Variants in SEL1L2 observed in about 807,000 individuals in gnomAD.
SEL1L2 encodes protein sel-1 homolog 2.
In SEL1L2, 89 loss-of-function variants were observed where a neutral mutation model predicts 98.8. The observed-to-expected ratio is 0.90, with a 90% confidence interval of 0.76 to 1.07. The LOEUF (loss-of-function observed/expected upper bound fraction) is 1.07, where lower values mean the gene tolerates loss of function less well. SEL1L2 is among the 50% of genes least tolerant of loss of function. SEL1L2 has a pLI of 0.00. For missense variants in SEL1L2, 788 were observed against 812.0 expected (o/e 0.97, Z 0.36); for synonymous variants, 262 against 278.5 (o/e 0.94, Z 0.59).
At chr20:13,992,289 A>G (rs2052559807), upstream of SEL1L2, among the ~76,000 whole-genome samples, 1 of 152,044 alleles carries the variant, frequency 6.6e-6, no homozygotes, top group African/African-American at 2.4e-5. Flanking sequence ...GGGTCATCTG[A>G]GGTCAGGAGT....
At chr20:13,877,802 A>G (rs1442352076) in intron 10 of SEL1L2, among the ~76,000 whole-genome samples, 1 of 152,186 alleles carries the variant, frequency 6.6e-6, no homozygotes, top group African/African-American at 2.4e-5. Flanking sequence ...GAGTGTCTAT[A>G]TCTCTTTCTT....
At chr20:13,855,667 CT>C (rs1323650364) in intron 18 of SEL1L2, among the ~76,000 whole-genome samples, 1 of 152,204 alleles carries the variant, frequency 6.6e-6, no homozygotes, top group Non-Finnish European at 1.5e-5. Flanking sequence ...CTTCCATCAC[CT>C]GGTTTTGGGG....
chr20:13,899,978 C>T (rs2047596831), intron 5 of SEL1L2, among the ~76,000 whole-genome samples: 1 of 151,956 alleles, frequency 6.6e-6, no homozygotes. Flanking sequence ...CTTCTGGATT[C>T]TTATTAAGGC....
In SEL1L2 at chr20:13,931,066, C is replaced by T. The variant is rs187269330; in HGVS notation, c.283+537G>A. On this transcript the variant is annotated intron_variant, in intron 3 of 19. Coordinates refer to ENST00000284951, the MANE Select transcript of SEL1L2 (RefSeq NM_025229.2). ...AGTATCTATTTTTTTTTTTTTTTGA[C>T]GGAGTCTCGCTGTGTCACCCAGGCT... Among the ~76,000 whole-genome samples the T allele has an allele frequency of 8.0e-3, 1,130 of 140,804 alleles. 7 individuals are homozygous for T. The highest frequency in any genetic ancestry group is 0.015 in the Admixed American group (206 of 14,022). The allele number at this position is 140,804 out of a possible 152,430, so 92.4% of individuals were successfully genotyped here.
intron 1 of SEL1L2, among the ~76,000 whole-genome samples, chr20:13,972,980 T>C (rs2051352956): frequency 6.6e-6 from 1 of 152,164 alleles, no homozygotes; most frequent in African/African-American, 2.4e-5. Flanking sequence ...CTGAGTTTTA[T>C]TTTCTCTTTC....
intron 9 of SEL1L2, among the ~76,000 whole-genome samples, chr20:13,885,830 T>C (rs2046925362): frequency 6.6e-6 from 1 of 152,118 alleles, no homozygotes; most frequent in African/African-American, 2.4e-5. Context: ...GGTCAGGAGA[T>C]CGAGACCATC....
chr20:13,909,997 A>C (rs1206708375), intron 5 of SEL1L2, among the ~76,000 whole-genome samples: 2 of 152,086 alleles, frequency 1.3e-5, no homozygotes, highest in Non-Finnish European at 2.9e-5. Flanking sequence ...CCAAACCAAA[A>C]CAAACAACAA....
At chr20:13,880,019 T>A (rs2046621019) in intron 10 of SEL1L2, among the ~76,000 whole-genome samples, 1 of 152,210 alleles carries the variant, frequency 6.6e-6, no homozygotes, top group South Asian at 2.1e-4. Flanking sequence ...ATTGACTTAT[T>A]TTGTCTCCTC....
rs1227776896 is a variant in SEL1L2 at position 13,977,695 on chromosome 20, G to A, written c.58+12782C>T. On this transcript the variant is annotated intron_variant, in intron 1 of 19. Coordinates refer to ENST00000284951, the MANE Select transcript of SEL1L2 (RefSeq NM_025229.2). ...GCATGAGTATTTATGTGTTCTGCAA[G>A]GGGGTCTGTTCCCCTAGCTCTCCCC... Among the ~76,000 whole-genome samples, 3 of 152,232 alleles carry A rather than the reference G, an allele frequency of 2.0e-5. No individual in the cohort carries two copies. The East Asian group carries it at 5.8e-4, about 29-fold the overall frequency.
At chr20:13,863,530 T>C (rs754656723) in intron 17 of SEL1L2, among the ~76,000 whole-genome samples, 4 of 152,184 alleles carry the variant, frequency 2.6e-5, no homozygotes, top group African/African-American at 4.8e-5. Context: ...CAGTGACTAA[T>C]TGGAAAATTT....
At chr20:13,980,395 A>G (rs1157424644) in intron 1 of SEL1L2, among the ~76,000 whole-genome samples, 1 of 152,100 alleles carries the variant, frequency 6.6e-6, no homozygotes, top group Admixed American at 6.6e-5. Context: ...TTTAGTAGAG[A>G]TAGGGTTTCA....
At chr20:13,869,225 C>T (rs1288147327) in intron 14 of SEL1L2, among the ~76,000 whole-genome samples, 2 of 152,110 alleles carry the variant, frequency 1.3e-5, no homozygotes, top group Admixed American at 6.6e-5. Context: ...TTTGACCTTT[C>T]TCGTGAGTGT....
chr20:13,886,617 G>T (rs1477671778), intron 8 of SEL1L2, among the ~76,000 whole-genome samples, 175 bp from the exon 9 acceptor site: 1 of 152,168 alleles, frequency 6.6e-6, no homozygotes, highest in Admixed American at 6.5e-5. Flanking sequence ...GCCAGGTGCG[G>T]TTGCTCATGT....
upstream of SEL1L2, among the ~76,000 whole-genome samples, chr20:13,994,751 C>T (rs2052602171): frequency 6.6e-6 from 1 of 152,194 alleles, no homozygotes; most frequent in Non-Finnish European, 1.5e-5. Flanking sequence ...TAAGACCACT[C>T]GGCTCTGGTT....
At chr20:13,992,989 A>G (rs1016039825), upstream of SEL1L2, among the ~76,000 whole-genome samples, 3 of 152,210 alleles carry the variant, frequency 2.0e-5, no homozygotes, top group African/African-American at 7.2e-5. Context: ...GGGCTTCAAC[A>G]TATGAATTTT....
At chr20:13,870,529 C>A (rs1299351722) in intron 12 of SEL1L2, among the ~76,000 whole-genome samples, 1 of 152,148 alleles carries the variant, frequency 6.6e-6, no homozygotes, top group Non-Finnish European at 1.5e-5. Context: ...ATGATCCCTG[C>A]CTTGAAGAGT....
At chr20:13,887,689 A>G (rs2047020456) in intron 8 of SEL1L2, 80 bp downstream of exon 8, 1 of 872,178 alleles carries the variant, frequency 1.1e-6, no homozygotes, top group South Asian at 1.5e-5. Flanking sequence ...ATAAGTTTAT[A>G]TCAATTGAAC....
chr20:13,952,229 C>T (rs2050309730), intron 2 of SEL1L2, among the ~76,000 whole-genome samples: 1 of 152,130 alleles, frequency 6.6e-6, no homozygotes, highest in African/African-American at 2.4e-5. Flanking sequence ...TTCCCAAACT[C>T]AATTCCAAGC....
intron 1 of SEL1L2, among the ~76,000 whole-genome samples, chr20:13,983,970 T>C (rs544557586): frequency 6.6e-6 from 1 of 152,112 alleles, no homozygotes; most frequent in South Asian, 2.1e-4. Context: ...AATCATTATG[T>C]CTCTACTTTC....
Sources: allele counts gnomAD v4.1 joint callset (sites outside exome capture counted in the v4.1 genomes callset), GRCh38; gene constraint gnomAD v4.1.1; transcripts MANE v1.5; gene names NCBI Gene and HGNC (gene_info 2026-07-23, HGNC 2026-07-21).